The following WARS2 variants were observed in gnomAD, a reference collection of about 807,000 sequenced individuals.
The protein encoded by WARS2 is tryptophan--tRNA ligase, mitochondrial.
In WARS2, 28 loss-of-function variants were observed where a neutral mutation model predicts 36.5. The ratio of observed to expected loss-of-function variants is 0.77; its 90% CI spans 0.57 to 1.05. The LOEUF (loss-of-function observed/expected upper bound fraction) is 1.05. Ranked by LOEUF, WARS2 falls within the 50% of genes least tolerant of loss-of-function variation. The probability of loss-of-function intolerance (pLI) is 0.00; values close to 1 mark genes in which losing one functional copy is unlikely to be tolerated. For synonymous variants in WARS2, 174 were observed against 178.4 expected (o/e 0.98, Z 0.20); for missense variants, 435 against 456.8 (o/e 0.95, Z 0.44).
chr1:119,125,063 T>C (rs193186872), intron 1 of WARS2, among the ~76,000 whole-genome samples: 61 of 152,348 alleles, frequency 4.0e-4, no homozygotes, highest in African/African-American at 1.4e-3. Context: ...GTGAAGTATT[T>C]AGAAAAGTAT....
At chr1:119,095,413 C>CA (rs1438779055) in intron 1 of WARS2, among the ~76,000 whole-genome samples, 1 of 152,164 alleles carries the variant, frequency 6.6e-6, no homozygotes, top group Non-Finnish European at 1.5e-5. Flanking sequence ...ACATTCCTTT[C>CA]ACTGTGAACA....
intron 2 of WARS2, among the ~76,000 whole-genome samples, chr1:119,055,966 T>C (rs1396498965): frequency 2.0e-5 from 3 of 151,694 alleles, no homozygotes; most frequent in Non-Finnish European, 4.4e-5. Context: ...TTGGTTGCAT[T>C]GTGAATACAT....
intron 1 of WARS2, among the ~76,000 whole-genome samples, chr1:119,078,099 C>T (rs1339293214): frequency 6.6e-6 from 1 of 152,204 alleles, no homozygotes; most frequent in Non-Finnish European, 1.5e-5. Flanking sequence ...TGCCCATGGT[C>T]ACACAGCTAG....
intron 1 of WARS2, among the ~76,000 whole-genome samples, chr1:119,093,639 G>T (rs1033194679): frequency 6.6e-6 from 1 of 151,964 alleles, no homozygotes; most frequent in Non-Finnish European, 1.5e-5. Flanking sequence ...GACAAGGAAG[G>T]GTTCTTCCTT....
At chr1:119,090,546 A>T (rs1247526237) in intron 1 of WARS2, among the ~76,000 whole-genome samples, 1 of 152,162 alleles carries the variant, frequency 6.6e-6, no homozygotes, top group African/African-American at 2.4e-5. Context: ...ACTTTTTAAA[A>T]AACGCATGTC....
At chr1:119,050,401 TA>T (rs1171023094) in intron 2 of WARS2, among the ~76,000 whole-genome samples, 1 of 152,216 alleles carries the variant, frequency 6.6e-6, no homozygotes, top group Non-Finnish European at 1.5e-5. Flanking sequence ...TAATATACTT[TA>T]TGTTTGGCTT....
intron 2 of WARS2, among the ~76,000 whole-genome samples, chr1:119,053,400 T>C (rs915735989): frequency 6.6e-6 from 1 of 152,062 alleles, no homozygotes; most frequent in South Asian, 2.1e-4. Context: ...TTACAATAAA[T>C]AAAAATGAAT....
At chr1:119,111,677 C>T (rs1654645117) in intron 1 of WARS2, among the ~76,000 whole-genome samples, 5 of 152,062 alleles carry the variant, frequency 3.3e-5, no homozygotes, top group Admixed American at 2.0e-4. Context: ...ATGACTGAGT[C>T]CCCCTCATAT....
intron 1 of WARS2, among the ~76,000 whole-genome samples, chr1:119,135,154 G>A (rs949111578): frequency 3.9e-5 from 6 of 152,036 alleles, no homozygotes; most frequent in African/African-American, 1.2e-4. Context: ...ACTCATTTAC[G>A]GTGCAGCTCC....
At chr1:119,054,278 C>A (rs554172817) in intron 2 of WARS2, among the ~76,000 whole-genome samples, 4 of 151,806 alleles carry the variant, frequency 2.6e-5, no homozygotes, top group Non-Finnish European at 5.9e-5. Context: ...AAATGGCCAA[C>A]AAACATATGA....
At chr1:119,128,161 G>A (rs1331677569) in intron 1 of WARS2, among the ~76,000 whole-genome samples, 4 of 151,944 alleles carry the variant, frequency 2.6e-5, no homozygotes, top group East Asian at 1.9e-4. Context: ...TGCAACCTCC[G>A]CCTCCTGGGT....
intron 2 of WARS2, among the ~76,000 whole-genome samples, chr1:119,075,154 G>GTATATATATATATATATATATATA (rs774946774): frequency 8.6e-5 from 13 of 151,004 alleles, no homozygotes; most frequent in African/African-American, 2.9e-4. Flanking sequence ...AAAAATTAGT[G>GTATATATATATATATATATATATA]TATATATATA....
intron 2 of WARS2, among the ~76,000 whole-genome samples, chr1:119,056,199 T>C (rs1649791004): frequency 6.7e-6 from 1 of 148,676 alleles, no homozygotes; most frequent in South Asian, 2.1e-4. Context: ...TTTTTTTTTT[T>C]TTTTTTTTTG....
intron 1 of WARS2, among the ~76,000 whole-genome samples, chr1:119,095,633 A>C (rs587641382): frequency 6.6e-6 from 1 of 152,202 alleles, no homozygotes; most frequent in South Asian, 2.1e-4. Flanking sequence ...GGGTTTCACC[A>C]TCTTGGCCAG....
At chr1:119,133,102 T>G (rs1220504492) in intron 1 of WARS2, among the ~76,000 whole-genome samples, 1 of 152,180 alleles carries the variant, frequency 6.6e-6, no homozygotes, top group Non-Finnish European at 1.5e-5. Flanking sequence ...CCCTTTTAGC[T>G]ATAGACTGTG....
In WARS2 at chr1:119,053,500, A is replaced by G. The variant is rs977517456; in HGVS notation, c.349-7838T>C. ...AGAGAATTGACCTGTAGAGAAATTG[A>G]TGGCAGACAGCTGATTTTTTTCAAA... is the stretch of plus-strand genomic sequence containing the variant. On this transcript the variant is annotated intron_variant, in intron 2 of 5. Transcript: ENST00000235521. Among the ~76,000 whole-genome samples, 4 of 152,232 alleles carry G rather than the reference A, an allele frequency of 2.6e-5. 1 individual carries two copies. The highest frequency in any genetic ancestry group is 2.6e-4 in the Admixed American group (4 of 15,290).
At position 119,140,586 on chromosome 1, in the gene WARS2, T is replaced by G. The variant is rs1045454024; in HGVS notation, c.59A>C (p.His20Pro). 2.5e-6 allele frequency: 4 copies of G among 1,613,944 alleles called. No homozygotes were observed. In the Admixed American group the frequency reaches 5.0e-5, roughly 20 times the overall value. Residue 20 changes from histidine (H) to proline (P), a missense_variant, in exon 1 of 6, where the codon CAT becomes CCT. Transcript: ENST00000235521. ...AGCGGGAGCAGCTGCGGATCCCTTATGAAGTGCCCGGATGAAGCTCCAGCG... is the reference window on the plus strand; with the variant it reads ...AGCGGGAGCAGCTGCGGATCCCTTAGGAAGTGCCCGGATGAAGCTCCAGCG... ...RERWSFIRAL[H>P]KGSAAAPALQ...
At chr1:119,081,707 T>C (rs1652203546) in intron 1 of WARS2, among the ~76,000 whole-genome samples, 1 of 152,216 alleles carries the variant, frequency 6.6e-6, no homozygotes, top group Non-Finnish European at 1.5e-5. Flanking sequence ...CTGTTAGTGT[T>C]TCTCAATTCT....
At chr1:119,134,186 G>A (rs1656309535) in intron 1 of WARS2, among the ~76,000 whole-genome samples, 2 of 151,932 alleles carry the variant, frequency 1.3e-5, no homozygotes, top group South Asian at 4.2e-4. Flanking sequence ...GAATGTGAAG[G>A]AGAAACTGAC....
Sources: allele counts gnomAD v4.1 joint callset (sites outside exome capture counted in the v4.1 genomes callset), GRCh38; gene constraint gnomAD v4.1.1; transcripts MANE v1.5; gene names NCBI Gene and HGNC (gene_info 2026-07-23, HGNC 2026-07-21).